The following CNTNAP4 variants were observed in gnomAD, a reference collection of about 807,000 sequenced individuals.
CNTNAP4 encodes the protein contactin-associated protein-like 4.
CNTNAP4 carries 98 observed loss-of-function variants against 148.4 expected under a neutral mutation model. The observed-to-expected ratio is 0.66, with a 90% CI of 0.56 to 0.78. The LOEUF is 0.78. CNTNAP4 is among the 30% of genes least tolerant of loss of function. The probability of loss-of-function intolerance (pLI) is 0.00; values close to 1 mark genes in which losing one functional copy is unlikely to be tolerated. For synonymous variants in CNTNAP4, 730 were observed against 565.1 expected (o/e 1.29, Z -4.14); for missense variants, 1,935 against 1,565.6 (o/e 1.24, Z -3.98).
chr16:76,328,059 A>G (rs1328033630), intron 2 of CNTNAP4, among the ~76,000 whole-genome samples: 1 of 152,208 alleles, frequency 6.6e-6, no homozygotes, highest in Non-Finnish European at 1.5e-5. Flanking sequence ...GCTCAGAAGA[A>G]TTCCAAATAA....
At chr16:76,489,391 AT>A (rs1390284082) in intron 12 of CNTNAP4, among the ~76,000 whole-genome samples, 1 of 152,210 alleles carries the variant, frequency 6.6e-6, no homozygotes, top group East Asian at 1.9e-4. Flanking sequence ...CATCACAAAA[AT>A]AATCAGATTT....
chr16:76,550,485 T>A (rs761978746), intron 21 of CNTNAP4, among the ~76,000 whole-genome samples: 7 of 152,130 alleles, frequency 4.6e-5, no homozygotes, highest in Non-Finnish European at 7.4e-5. Flanking sequence ...TCATATCAGA[T>A]TATTACCAGA....
At chr16:76,491,406 C>T (rs1446890649) in intron 13 of CNTNAP4, among the ~76,000 whole-genome samples, 2 of 152,166 alleles carry the variant, frequency 1.3e-5, no homozygotes, top group African/African-American at 4.8e-5. Context: ...GAATCTCAGT[C>T]TTTGTTTTCT....
At chr16:76,523,214 T>C (rs184368585) in intron 17 of CNTNAP4, among the ~76,000 whole-genome samples, 1 of 151,870 alleles carries the variant, frequency 6.6e-6, no homozygotes, top group Non-Finnish European at 1.5e-5. Flanking sequence ...ATCCAGCCGA[T>C]GCCAAACATT....
At chr16:76,416,188 A>C (rs1041273106) in intron 3 of CNTNAP4, among the ~76,000 whole-genome samples, 1 of 151,138 alleles carries the variant, frequency 6.6e-6, no homozygotes, top group African/African-American at 2.4e-5. Flanking sequence ...AGGTTTATCA[A>C]TCTTAGCAAA....
At chr16:76,473,828 C>T (rs183241992) in intron 10 of CNTNAP4, among the ~76,000 whole-genome samples, 118 of 113,042 alleles carry the variant, frequency 1.0e-3, no homozygotes, top group African/African-American at 3.6e-3. Context: ...ATATTCTTGG[C>T]AGGTTTTGTA....
At chr16:76,375,213 G>C (rs760386508) in intron 3 of CNTNAP4, among the ~76,000 whole-genome samples, 6 of 152,110 alleles carry the variant, frequency 3.9e-5, no homozygotes, top group Non-Finnish European at 7.4e-5. Context: ...CTTGACGTCA[G>C]AAGTTCGAGA....
chr16:76,334,630 T>C (rs1251278128), intron 2 of CNTNAP4, among the ~76,000 whole-genome samples: 2 of 152,178 alleles, frequency 1.3e-5, no homozygotes, highest in South Asian at 4.1e-4. Flanking sequence ...ATGTACAAAG[T>C]TGTATTTCTA....
At chr16:76,473,752 C>T (rs1181553202) in intron 10 of CNTNAP4, among the ~76,000 whole-genome samples, 1 of 151,934 alleles carries the variant, frequency 6.6e-6, no homozygotes, top group African/African-American at 2.4e-5. Flanking sequence ...ACAGCCTGGG[C>T]AACAGAGTGA....
intron 4 of CNTNAP4, among the ~76,000 whole-genome samples, chr16:76,447,517 GA>G (rs2080293748): frequency 6.6e-6 from 1 of 152,076 alleles, no homozygotes. Context: ...TGACTGGTCA[GA>G]AGCTGGACTA....
Position 76,372,481 on chromosome 16 carries a change from C to G in CNTNAP4, c.390+16970C>G, listed in dbSNP as rs753837349. On this transcript the variant is annotated intron_variant, in intron 3 of 23. Transcript: ENST00000611870. ...CAAAATCTTATCTTGAGTTGTAGCT[C>G]GCATGATTTCCACGTGTTGTGGGAG... Among the ~76,000 whole-genome samples, 5 of 152,044 alleles carry G rather than the reference C, an allele frequency of 3.3e-5. No homozygotes were observed. In the East Asian group the frequency reaches 5.8e-4, roughly 18 times the overall value.
In CNTNAP4 at chr16:76,560,047, G is replaced by T. The variant is rs1278647313; in HGVS notation, c.*1364G>T. On this transcript the variant is annotated 3_prime_UTR_variant, in exon 24 of 24. Coordinates refer to ENST00000611870, the MANE Select transcript of CNTNAP4 (RefSeq NM_033401.5). ...GTGTATTATACACTAGGAGATCAAA[G>T]AATGATCAATAACCTTATGGAACTG... 6.6e-6 allele frequency among the ~76,000 whole-genome samples: 1 copy of T among 152,148 alleles called. No homozygotes were observed. Among genetic ancestry groups the T allele is most frequent in the Non-Finnish European group, 1.5e-5 (1 of 68,022 alleles).
chr16:76,433,205 G>C (rs1488133829), intron 4 of CNTNAP4, among the ~76,000 whole-genome samples: 2 of 152,136 alleles, frequency 1.3e-5, no homozygotes, highest in African/African-American at 4.8e-5. Flanking sequence ...AATGAATGGG[G>C]GCAAGCTTAG....
rs562122791 is a variant in CNTNAP4, at chr16:76,301,657, C to T, written c.86-14756C>T. Among the ~76,000 whole-genome samples the T allele has an allele frequency of 2.2e-3, 331 of 152,160 alleles. 2 individuals carry two copies. Among genetic ancestry groups the T allele is most frequent in the Non-Finnish European group, 1.4e-3 (95 of 67,998 alleles). ...GTGGTCCAGGTCTGTTCTGCTTACA[C>T]GGGGTAAATCAGTCACTGTGACAAA... On this transcript the variant is annotated intron_variant, in intron 1 of 23. Transcript: ENST00000611870.
intron 17 of CNTNAP4, among the ~76,000 whole-genome samples, chr16:76,525,639 A>G (rs1284176112): frequency 1.4e-5 from 2 of 145,528 alleles, no homozygotes; most frequent in Non-Finnish European, 3.0e-5. Context: ...TTATAACTAC[A>G]TATAAACTAT....
At chr16:76,471,119 C>A (rs997112108) in intron 10 of CNTNAP4, among the ~76,000 whole-genome samples, 28 of 152,078 alleles carry the variant, frequency 1.8e-4, no homozygotes, top group African/African-American at 6.5e-4. Context: ...CACACATACA[C>A]ACACACACAC....
At chr16:76,459,410 C>T (rs889360804) in intron 8 of CNTNAP4, among the ~76,000 whole-genome samples, 1 of 151,664 alleles carries the variant, frequency 6.6e-6, no homozygotes, top group African/African-American at 2.4e-5. Flanking sequence ...TTCCTATTAT[C>T]TTACACAAAC....
Position 76,547,352 on chromosome 16 carries a change from C to G in CNTNAP4, c.3443-5931C>G, listed in dbSNP as rs1221097617. On this transcript the variant is annotated intron_variant, in intron 21 of 23. Transcript: ENST00000611870. The stretch of plus-strand genomic sequence containing the variant: ...AACCTCTCATGGGAAAATATGCCCA[C>G]ATTTTGAATAATGATGTAATTTAAC... 1.3e-5 allele frequency among the ~76,000 whole-genome samples: 2 copies of G among 152,060 alleles called. 1 individual carries two copies. The highest frequency in any genetic ancestry group is 6.3e-3 in the Middle Eastern group (2 of 316).
intron 3 of CNTNAP4, among the ~76,000 whole-genome samples, chr16:76,403,269 A>AT (rs1224946154): frequency 7.2e-5 from 11 of 151,844 alleles, no homozygotes; most frequent in Non-Finnish European, 1.5e-4. Context: ...ATTTTTTTGT[A>AT]TTTTTAGTAG....
Sources: allele counts gnomAD v4.1 joint callset (sites outside exome capture counted in the v4.1 genomes callset), GRCh38; gene constraint gnomAD v4.1.1; transcripts MANE v1.5; gene names NCBI Gene and HGNC (gene_info 2026-07-23, HGNC 2026-07-21).